SLC36A2: variants seen among roughly 807,000 people sequenced by gnomAD.
SLC36A2 encodes the protein solute carrier family 36 member 2, also known as proton-coupled amino acid transporter 2.
SLC36A2 carries 39 observed loss-of-function variants against 42.7 expected under a neutral mutation model. The ratio of observed to expected loss-of-function variants is 0.91; its 90% CI spans 0.71 to 1.19. SLC36A2 has a LOEUF of 1.19. Among genes scored for constraint, SLC36A2 ranks in the 50% most tolerant of loss-of-function variants. SLC36A2 has a pLI of 0.00. For synonymous variants in SLC36A2, 237 were observed against 240.8 expected (o/e 0.98, Z 0.15); for missense variants, 590 against 613.7 (o/e 0.96, Z 0.41).
intron 8 of SLC36A2, among the ~76,000 whole-genome samples, chr5:151,323,482 A>G (rs1161496941): frequency 6.6e-6 from 1 of 152,200 alleles, no homozygotes; most frequent in Non-Finnish European, 1.5e-5. Context: ...GCTCAACTTA[A>G]TCCTCATGAC....
chr5:151,346,288 G>A (rs1756495971), intron 1 of SLC36A2, among the ~76,000 whole-genome samples: 1 of 152,032 alleles, frequency 6.6e-6, no homozygotes, highest in African/African-American at 2.4e-5. Context: ...ACTAGCCCTG[G>A]GGCGACAGCA....
chr5:151,337,634 C>CA (rs993189206), intron 5 of SLC36A2, among the ~76,000 whole-genome samples: 2 of 152,106 alleles, frequency 1.3e-5, no homozygotes, highest in Non-Finnish European at 2.9e-5. Flanking sequence ...TCAAAACAAT[C>CA]AAACTCTTTG....
intron 2 of SLC36A2, 98 bp from the exon 3 acceptor site, chr5:151,343,696 A>T: frequency 1.9e-6 from 2 of 1,068,176 alleles, no homozygotes; most frequent in Non-Finnish European, 2.9e-6. Flanking sequence ...ATCATGCAGA[A>T]CTCAAAGAAC....
At chr5:151,336,694 C>T (rs1336658063) in intron 5 of SLC36A2, among the ~76,000 whole-genome samples, 1 of 147,256 alleles carries the variant, frequency 6.8e-6, no homozygotes, top group African/African-American at 2.6e-5. Context: ...CCGTCCCCCA[C>T]CCCCCCACAC....
chr5:151,321,909 C>T (rs1755703528), intron 9 of SLC36A2, 137 bp downstream of exon 9: 5 of 1,065,818 alleles, frequency 4.7e-6, no homozygotes, highest in Non-Finnish European at 7.1e-6. Flanking sequence ...AACTCCTGAC[C>T]TCAGGTGATC....
At chr5:151,340,860 C>A (rs1387986134) in intron 4 of SLC36A2, among the ~76,000 whole-genome samples, 1 of 152,096 alleles carries the variant, frequency 6.6e-6, no homozygotes, top group African/African-American at 2.4e-5. Flanking sequence ...CCCATTTGCT[C>A]GTTGCAGTAG....
In SLC36A2 at chr5:151,316,013, A is replaced by G. The variant is rs1755481469; in HGVS notation, c.*804T>C. 6.6e-6 allele frequency: 1 copy of G among 152,236 alleles called. No individual in the cohort carries two copies. Among genetic ancestry groups the G allele is most frequent in the African/African-American group, 2.4e-5 (1 of 41,452 alleles). The allele number at this position is 152,236 out of a possible 1,614,324, so 9.4% of individuals were successfully genotyped here. A position where few individuals can be genotyped will look rare whatever the true frequency, so the allele number is the denominator to read the frequency against. On this transcript the variant is annotated 3_prime_UTR_variant, in exon 10 of 10. Transcript: ENST00000335244. ...CTATCTGAGAGTTTTCACACTGGTCATCTTGGCCCTACCCATCTCAACACT... is the reference window on the plus strand; with the variant it reads ...CTATCTGAGAGTTTTCACACTGGTCGTCTTGGCCCTACCCATCTCAACACT...
At chr5:151,333,092 TTTC>T in intron 7 of SLC36A2, 129 bp downstream of exon 7, 1 of 817,844 alleles carries the variant, frequency 1.2e-6, no homozygotes, top group Non-Finnish European at 2.1e-6. Context: ...CAGAGGTTAC[TTTC>T]TCCCATGGGC....
chr5:151,341,023 A>G (rs1393070428), intron 4 of SLC36A2, among the ~76,000 whole-genome samples: 1 of 152,158 alleles, frequency 6.6e-6, no homozygotes, highest in Non-Finnish European at 1.5e-5. Context: ...TTGTATCTTA[A>G]GTTCTGGGGT....
intron 8 of SLC36A2, 52 bp downstream of exon 8, chr5:151,325,234 T>C: frequency 6.3e-7 from 1 of 1,592,808 alleles, no homozygotes. Context: ...AAGTGACCTA[T>C]ACGTTTCCAC....
At chr5:151,343,180 C>G (rs1477023236) in intron 3 of SLC36A2, among the ~76,000 whole-genome samples, 197 bp from the exon 4 acceptor site, 1 of 152,120 alleles carries the variant, frequency 6.6e-6, no homozygotes, top group East Asian at 1.9e-4. Context: ...GAGGCGGAGA[C>G]TACACAGCAA....
At chr5:151,324,756 A>G (rs540012073) in intron 8 of SLC36A2, among the ~76,000 whole-genome samples, 1 of 152,124 alleles carries the variant, frequency 6.6e-6, no homozygotes, top group Admixed American at 6.5e-5. Context: ...CTACCTCAGC[A>G]TCCCAAGCAG....
intron 6 of SLC36A2, among the ~76,000 whole-genome samples, chr5:151,333,924 T>G (rs1756073197): frequency 1.3e-5 from 2 of 152,338 alleles, no homozygotes; most frequent in South Asian, 4.1e-4. Flanking sequence ...CACCTTTGAA[T>G]GGACAGTGGT....
chr5:151,345,113 G>C (rs972606045), intron 1 of SLC36A2, among the ~76,000 whole-genome samples: 3 of 152,176 alleles, frequency 2.0e-5, no homozygotes, highest in Non-Finnish European at 4.4e-5. Flanking sequence ...AAATGTTCCA[G>C]GGAGGCACTC....
intron 7 of SLC36A2, among the ~76,000 whole-genome samples, chr5:151,332,855 A>G (rs909877636): frequency 3.3e-5 from 5 of 152,252 alleles, no homozygotes; most frequent in Non-Finnish European, 5.9e-5. Flanking sequence ...AGTAGAGACT[A>G]CAGACTGTAA....
chr5:151,327,829 A>T (rs536507486), intron 7 of SLC36A2, among the ~76,000 whole-genome samples: 18 of 152,254 alleles, frequency 1.2e-4, no homozygotes, highest in Middle Eastern at 3.4e-3. Flanking sequence ...AGGTCCCTGG[A>T]TGGAGAGTCA....
chr5:151,336,710 G>T, intron 5 of SLC36A2, among the ~76,000 whole-genome samples: 1 of 132,914 alleles, frequency 7.5e-6, no homozygotes, highest in South Asian at 2.4e-4. Context: ...CACACATTAT[G>T]AACACCCCCT....
At chr5:151,341,590 C>T (rs1002698637) in intron 4 of SLC36A2, among the ~76,000 whole-genome samples, 1 of 152,142 alleles carries the variant, frequency 6.6e-6, no homozygotes, top group Non-Finnish European at 1.5e-5. Context: ...TTAACCTGTT[C>T]TCTGTCACCC....
chr5:151,343,109 A>G (rs1756394181), intron 3 of SLC36A2, 126 bp from the exon 4 acceptor site: 1 of 790,074 alleles, frequency 1.3e-6, no homozygotes, highest in Non-Finnish European at 2.2e-6. Flanking sequence ...AGGGGCAGAG[A>G]CCTCGGGCTT....
Sources: allele counts gnomAD v4.1 joint callset (sites outside exome capture counted in the v4.1 genomes callset), GRCh38; gene constraint gnomAD v4.1.1; transcripts MANE v1.5; gene names NCBI Gene and HGNC (gene_info 2026-07-23, HGNC 2026-07-21).